The following IQSEC1 variants were observed in gnomAD, a reference collection of about 807,000 sequenced individuals.
IQSEC1 encodes IQ motif and Sec7 domain ArfGEF 1, also known as IQ motif and SEC7 domain-containing protein 1.
A neutral mutation model predicts 91.0 loss-of-function variants in IQSEC1; 31 were observed. The observed-to-expected ratio is 0.34, with a 90% CI of 0.26 to 0.46. The LOEUF is 0.46. IQSEC1 is among the 20% of genes least tolerant of loss of function. The probability of loss-of-function intolerance (pLI) is 1.00; values close to 1 mark genes in which losing one functional copy is unlikely to be tolerated. For missense variants in IQSEC1, 1,388 were observed against 1,575.6 expected (o/e 0.88, Z 2.02); for synonymous variants, 699 against 662.6 (o/e 1.05, Z -0.84).
chr3:13,192,496 G>A (rs538577721), intron 1 of IQSEC1, among the ~76,000 whole-genome samples: 93 of 152,318 alleles, frequency 6.1e-4, no homozygotes, highest in African/African-American at 2.1e-3. Context: ...CGGACGACGT[G>A]AAGATGCAGG....
At chr3:12,918,913 G>A (rs865817016) in intron 6 of IQSEC1, among the ~76,000 whole-genome samples, 8 of 152,190 alleles carry the variant, frequency 5.3e-5, no homozygotes, top group African/African-American at 1.9e-4. Flanking sequence ...ATAAATACAT[G>A]AAGTAATTAA....
chr3:13,251,410 A>T (rs1559286602), intron 1 of IQSEC1, among the ~76,000 whole-genome samples: 1 of 152,218 alleles, frequency 6.6e-6, no homozygotes, highest in Non-Finnish European at 1.5e-5. Context: ...CAGCAACTGG[A>T]ACAGTTCTGG....
rs75919829 is a variant in IQSEC1, at chr3:13,259,011, C to T, written c.272+23700G>A. ...ATCATCTTTCCCCTGGGCCTCAGCA[C>T]AGCCCCTACCCTCTTTCCCTATAGT... On this transcript the variant is annotated intron_variant, in intron 1 of 15. Coordinates refer to the IQSEC1 transcript ENST00000648114. The surrounding 1 kb of genome is among the most constrained non-coding windows in gnomAD (Gnocchi z 4.6). Among the ~76,000 whole-genome samples the T allele has an allele frequency of 0.01, 1,590 of 152,254 alleles. 38 individuals are homozygous for T. Among genetic ancestry groups the T allele is most frequent in the African/African-American group, 0.037 (1,529 of 41,534 alleles).
chr3:12,945,423 G>A (rs1387252485), intron 1 of IQSEC1, among the ~76,000 whole-genome samples: 1 of 151,296 alleles, frequency 6.6e-6, no homozygotes, highest in Non-Finnish European at 1.5e-5. Flanking sequence ...GGGGTCATCA[G>A]TTTAATCCCT....
intron 1 of IQSEC1, among the ~76,000 whole-genome samples, chr3:12,950,572 C>A (rs1699474845): frequency 6.6e-6 from 1 of 152,004 alleles, no homozygotes; most frequent in Non-Finnish European, 1.5e-5. Flanking sequence ...TTTCGGAGGC[C>A]AGGGCAGGAG....
Position 13,103,441 on chromosome 3 carries a change from A to C in IQSEC1, c.303-55919T>G, listed in dbSNP as rs909188677. ...CCTCGGGGGAGTGGCAGGTGTGTTT[A>C]AAGCTGTATGATCACCATCCTCAGT... On this transcript the variant is annotated intron_variant, in intron 2 of 15. Coordinates refer to the IQSEC1 transcript ENST00000648114. The surrounding 1 kb of genome is among the most constrained non-coding windows in gnomAD (Gnocchi z 4.1). Among the ~76,000 whole-genome samples the C allele has an allele frequency of 1.3e-5, 2 of 151,994 alleles. No homozygotes were observed. Among genetic ancestry groups the C allele is most frequent in the African/African-American group, 4.8e-5 (2 of 41,384 alleles).
intron 1 of IQSEC1, among the ~76,000 whole-genome samples, chr3:13,027,406 T>A (rs1402642552): frequency 6.6e-6 from 1 of 152,160 alleles, no homozygotes; most frequent in Non-Finnish European, 1.5e-5. Flanking sequence ...AGGGCCAGCG[T>A]CCAAGTTGCC....
At chr3:12,963,290 TG>T (rs1475354084) in intron 1 of IQSEC1, among the ~76,000 whole-genome samples, 1 of 152,188 alleles carries the variant, frequency 6.6e-6, no homozygotes, top group Admixed American at 6.5e-5. Context: ...ACGGAAAGAA[TG>T]GGCATTTCCT....
intron 1 of IQSEC1, chr3:13,047,372 G>T: frequency 4.1e-6 from 2 of 490,264 alleles, no homozygotes; most frequent in Non-Finnish European, 5.3e-6. Context: ...AAATGGTGGA[G>T]CTAATTTCCC....
chr3:13,068,855 A>T (rs191398318), intron 1 of IQSEC1, among the ~76,000 whole-genome samples: 4 of 152,268 alleles, frequency 2.6e-5, no homozygotes, highest in African/African-American at 7.2e-5. Context: ...CACTCAATCC[A>T]TTCCCATTGG....
At chr3:13,168,566 C>T (rs1309971024) in intron 1 of IQSEC1, among the ~76,000 whole-genome samples, 4 of 152,224 alleles carry the variant, frequency 2.6e-5, no homozygotes, top group African/African-American at 9.6e-5. Context: ...CCACACACAG[C>T]CCACAAAGAC....
At chr3:13,019,483 C>T (rs1030939055) in intron 1 of IQSEC1, among the ~76,000 whole-genome samples, 12 of 152,248 alleles carry the variant, frequency 7.9e-5, no homozygotes, top group African/African-American at 1.9e-4. Context: ...CCGGCAGCTC[C>T]GCCTTGGGCC....
At chr3:13,198,824 C>T (rs1244360102) in intron 1 of IQSEC1, among the ~76,000 whole-genome samples, 1 of 152,214 alleles carries the variant, frequency 6.6e-6, no homozygotes, top group Non-Finnish European at 1.5e-5. Context: ...GGAGCTCATG[C>T]CCTTGGAGTG....
At chr3:13,107,917 C>A (rs1463382931) in intron 2 of IQSEC1, among the ~76,000 whole-genome samples, 2 of 152,264 alleles carry the variant, frequency 1.3e-5, no homozygotes, top group South Asian at 2.1e-4. Flanking sequence ...GCCTGGCCAG[C>A]CATGGCCTGA....
chr3:13,158,149 GGCC>G (rs1707113336), intron 2 of IQSEC1, among the ~76,000 whole-genome samples: 1 of 152,222 alleles, frequency 6.6e-6, no homozygotes, highest in Admixed American at 6.5e-5. Context: ...CGCCTCCAGA[GGCC>G]GCCGGCTCAG....
rs1217598698 is a variant in IQSEC1, at chr3:12,920,602, G to A, written c.1854-6C>T. On this transcript the variant is annotated splice_region_variant and splice_polypyrimidine_tract_variant and intron_variant, in intron 5 of 13. Transcript: ENST00000613206. ...TGCAGATGCAGTAGCGCTGGCTGCGGGCCGGGAGGGAGGGGGTCAGGGCCA... is the reference window on the plus strand; with the variant it reads ...TGCAGATGCAGTAGCGCTGGCTGCGAGCCGGGAGGGAGGGGGTCAGGGCCA... 1 of 1,613,808 alleles carries A rather than the reference G, an allele frequency of 6.2e-7. No individual in the cohort carries two copies. The highest frequency in any genetic ancestry group is 1.1e-5 in the South Asian group (1 of 91,084).
intron 2 of IQSEC1, among the ~76,000 whole-genome samples, chr3:13,109,906 A>G (rs1414642321): frequency 1.6e-5 from 2 of 126,734 alleles, no homozygotes; most frequent in Non-Finnish European, 1.6e-5. Context: ...TTTTTTTGAG[A>G]CGGAGTCTAG....
At chr3:12,939,257 C>T (rs570266496) in intron 2 of IQSEC1, among the ~76,000 whole-genome samples, 60 of 152,372 alleles carry the variant, frequency 3.9e-4, no homozygotes, top group African/African-American at 1.3e-3. Context: ...CTCCCCCATC[C>T]GGCCCTCACT....
At chr3:13,183,966 T>C (rs1250297598) in intron 1 of IQSEC1, among the ~76,000 whole-genome samples, 2 of 152,158 alleles carry the variant, frequency 1.3e-5, no homozygotes, top group African/African-American at 2.4e-5. Flanking sequence ...CAAAAAGAAA[T>C]AGATTAAAAT....
Sources: gnomAD v4.1 joint callset for allele counts (sites outside exome capture counted in the v4.1 genomes callset) on GRCh38, gnomAD v4.1.1 for gene constraint, Gnocchi (gnomAD v3.1) non-coding constraint, MANE v1.5 for transcripts, NCBI Gene and HGNC (gene_info 2026-07-23, HGNC 2026-07-21) for gene names.